The following SEMA6A variants were observed in gnomAD, a reference collection of about 807,000 sequenced individuals.
SEMA6A encodes the protein semaphorin 6A, also known as semaphorin-6A.
Under a neutral mutation model 96.8 loss-of-function variants are expected in SEMA6A, and 25 were observed. The ratio of observed to expected loss-of-function variants is 0.26; its 90% confidence interval spans 0.19 to 0.36. The LOEUF is 0.36. Among genes scored for constraint, SEMA6A ranks in the 10% least tolerant of loss-of-function variants. The pLI is 1.00. For synonymous variants in SEMA6A, 612 were observed against 518.0 expected (o/e 1.18, Z -2.46); for missense variants, 1,363 against 1,323.1 (o/e 1.03, Z -0.47).
chr5:116,488,002 T>A (rs1757140676), intron 9 of SEMA6A, 106 bp downstream of exon 9: 3 of 692,674 alleles, frequency 4.3e-6, no homozygotes, highest in Non-Finnish European at 7.3e-6. Flanking sequence ...CACTCTGTTA[T>A]TAGATTTATG....
chr5:116,488,790 C>A, intron 8 of SEMA6A, 98 bp downstream of exon 8: 1 of 1,340,778 alleles, frequency 7.5e-7, no homozygotes, highest in South Asian at 1.9e-5. Context: ...AGCCATTACT[C>A]AAATGAAGAT....
At chr5:116,559,467 C>T (rs1760729822) in intron 1 of SEMA6A, among the ~76,000 whole-genome samples, 1 of 152,114 alleles carries the variant, frequency 6.6e-6, no homozygotes, top group South Asian at 2.1e-4. Context: ...GACTATAAAA[C>T]CCCTGCCCCA....
chr5:116,563,236 G>C (rs1466213205), intron 1 of SEMA6A, among the ~76,000 whole-genome samples: 1 of 152,164 alleles, frequency 6.6e-6, no homozygotes, highest in Non-Finnish European at 1.5e-5. Context: ...TCTTTGGAAG[G>C]AATGGCCTCG....
chr5:116,533,375 T>C (rs1481826124), intron 1 of SEMA6A, among the ~76,000 whole-genome samples: 1 of 152,184 alleles, frequency 6.6e-6, no homozygotes, highest in Non-Finnish European at 1.5e-5. Context: ...TACACCTTTT[T>C]AGTCAGACCT....
At chr5:116,489,198 T>C (rs897272495) in intron 7 of SEMA6A, among the ~76,000 whole-genome samples, 191 bp from the exon 8 acceptor site, 1 of 152,166 alleles carries the variant, frequency 6.6e-6, no homozygotes, top group African/African-American at 2.4e-5. Flanking sequence ...TCATGAGAGA[T>C]GAAACATTTT....
In SEMA6A at chr5:116,447,625, G is replaced by A. The variant is rs368728938; in HGVS notation, c.2081C>T (p.Ser694Leu). ...VQRKEKELTH[S>L]RRGSMSSVTK... ...GACGCTGCTCATGGAGCCCCGGCGC[G>A]AGTGGGTGAGCTCCTTCTCCTTGCG... Residue 694 changes from serine (S) to leucine (L), a missense_variant, in exon 19 of 19, where the codon TCG becomes TTG. Ser to Leu is a moderately radical substitution (Grantham distance 145). This residue lies in a region of SEMA6A where 883 missense variants were observed against 763.6 expected (regional missense o/e 1.16). Transcript: ENST00000343348. The A allele has an allele frequency of 1.7e-5, 27 of 1,614,012 alleles. No homozygotes were observed. The highest frequency in any genetic ancestry group is 1.9e-5 in the Non-Finnish European group (23 of 1,179,886).
intron 18 of SEMA6A, among the ~76,000 whole-genome samples, chr5:116,451,797 C>G (rs1193515965): frequency 6.6e-6 from 1 of 152,082 alleles, no homozygotes; most frequent in Non-Finnish European, 1.5e-5. Flanking sequence ...ATAGTAGCAT[C>G]TATCAGACAA....
chr5:116,463,276 G>A (rs916772715), intron 18 of SEMA6A, among the ~76,000 whole-genome samples: 2 of 152,202 alleles, frequency 1.3e-5, no homozygotes, highest in African/African-American at 4.8e-5. Context: ...CAATACTCTT[G>A]AAGGCCATCA....
chr5:116,464,847 A>T (rs889168704), intron 18 of SEMA6A, among the ~76,000 whole-genome samples: 7 of 152,226 alleles, frequency 4.6e-5, no homozygotes, highest in African/African-American at 1.4e-4. Flanking sequence ...GGCAGTCAGC[A>T]TATCTGCAGA....
chr5:116,525,685 C>T (rs888834695), intron 1 of SEMA6A, among the ~76,000 whole-genome samples: 8 of 152,178 alleles, frequency 5.3e-5, no homozygotes, highest in African/African-American at 1.9e-4. Context: ...TTAAATTATT[C>T]CTTTGGGAAA....
At chr5:116,502,510 T>C (rs936328987) in intron 2 of SEMA6A, 183 bp from the exon 3 acceptor site, 4 of 541,332 alleles carry the variant, frequency 7.4e-6, no homozygotes, top group African/African-American at 3.8e-5. Flanking sequence ...CTCCTTAAGG[T>C]TCATCAAGTT....
chr5:116,451,510 A>G (rs965368910), intron 18 of SEMA6A, among the ~76,000 whole-genome samples: 3 of 152,234 alleles, frequency 2.0e-5, no homozygotes, highest in Non-Finnish European at 4.4e-5. Context: ...TTAAAACAAC[A>G]GAAGTGGAAA....
intron 18 of SEMA6A, among the ~76,000 whole-genome samples, chr5:116,460,519 C>T (rs572215148): frequency 2.5e-4 from 38 of 152,220 alleles, no homozygotes; most frequent in African/African-American, 8.2e-4. Context: ...AGTTTAAGTA[C>T]TCTCAGTTAA....
At chr5:116,498,417 A>C (rs1170963924) in intron 3 of SEMA6A, 1 of 152,174 alleles carries the variant, frequency 6.6e-6, no homozygotes, top group Non-Finnish European at 1.5e-5. Context: ...ACATATATAT[A>C]ATTTTTTTCA....
chr5:116,475,448 C>A, intron 16 of SEMA6A, 97 bp downstream of exon 16: 2 of 753,354 alleles, frequency 2.7e-6, no homozygotes, highest in South Asian at 3.8e-5. Flanking sequence ...GCTTTAGTGT[C>A]AGCTGCACTC....
At chr5:116,480,677 T>A (rs1188765977) in intron 11 of SEMA6A, among the ~76,000 whole-genome samples, 2 of 152,054 alleles carry the variant, frequency 1.3e-5, no homozygotes, top group Admixed American at 6.5e-5. Context: ...AGAATTAGGT[T>A]GACGTTTTCG....
intron 1 of SEMA6A, among the ~76,000 whole-genome samples, chr5:116,520,798 G>A (rs1198233562): frequency 6.6e-6 from 1 of 152,118 alleles, no homozygotes; most frequent in Admixed American, 6.5e-5. Flanking sequence ...CAACATTTAG[G>A]GTCCCCATGG....
chr5:116,459,043 A>AAT (rs753739000), intron 18 of SEMA6A, among the ~76,000 whole-genome samples: 1 of 152,198 alleles, frequency 6.6e-6, no homozygotes, highest in Non-Finnish European at 1.5e-5. Context: ...GTGACCAAGA[A>AAT]ATATTAATAT....
rs150384633 is a variant in SEMA6A, at chr5:116,509,829, T to G, written c.-38-4847A>C. 5.0e-3 allele frequency among the ~76,000 whole-genome samples: 762 copies of G among 152,288 alleles called. 8 individuals are homozygous for G. The highest frequency in any genetic ancestry group is 0.018 in the African/African-American group (737 of 41,554). On this transcript the variant is annotated intron_variant, in intron 1 of 18. Coordinates refer to ENST00000343348, the MANE Select transcript of SEMA6A (RefSeq NM_020796.5). The stretch of plus-strand genomic sequence containing the variant: ...ACTGGAAATGTAGTTGGGCTCTTGT[T>G]GTTGTGTCAGCCACTCTCTGAGATC...
Sources: allele counts gnomAD v4.1 joint callset (sites outside exome capture counted in the v4.1 genomes callset), GRCh38; gene constraint gnomAD v4.1.1; regional missense constraint gnomAD v4.1.1; transcripts MANE v1.5; gene names NCBI Gene and HGNC (gene_info 2026-07-23, HGNC 2026-07-21).